HMCN1: variants seen among roughly 807,000 people sequenced by gnomAD.
HMCN1 encodes the protein hemicentin-1.
A neutral mutation model predicts 625.9 loss-of-function variants in HMCN1; 321 were observed. That is an observed-to-expected ratio of 0.51 (90% CI 0.47 to 0.56). HMCN1 has a LOEUF of 0.56. Ranked by LOEUF, HMCN1 falls within the 20% of genes least tolerant of loss-of-function variation. The pLI is 0.00. For missense variants in HMCN1, 6,588 were observed against 6,887.3 expected (o/e 0.96, Z 1.54); for synonymous variants, 2,425 against 2,417.6 (o/e 1.00, Z -0.09).
chr1:185,781,560 T>C (rs1657109265), intron 1 of HMCN1, among the ~76,000 whole-genome samples: 1 of 152,214 alleles, frequency 6.6e-6, no homozygotes, highest in Non-Finnish European at 1.5e-5. Context: ...TTTGTTCTCA[T>C]TGGTTTCAAA....
At chr1:185,849,279 A>G (rs1662022302) in intron 2 of HMCN1, among the ~76,000 whole-genome samples, 1 of 152,010 alleles carries the variant, frequency 6.6e-6, no homozygotes, top group Admixed American at 6.6e-5. Flanking sequence ...GTCTGCCCTC[A>G]TTTCCACACT....
At chr1:185,777,036 T>C (rs1656663462) in intron 1 of HMCN1, among the ~76,000 whole-genome samples, 1 of 152,230 alleles carries the variant, frequency 6.6e-6, no homozygotes, top group Non-Finnish European at 1.5e-5. Context: ...TGTTCAAGTG[T>C]AAAAGTGAAT....
At chr1:186,098,919 A>G (rs1268780029) in intron 68 of HMCN1, among the ~76,000 whole-genome samples, 3 of 152,162 alleles carry the variant, frequency 2.0e-5, no homozygotes, top group Non-Finnish European at 2.9e-5. Context: ...GAAATTAGCC[A>G]GGCACAGAAA....
At position 186,130,556 on chromosome 1, in the gene HMCN1, T is replaced by C. The variant is rs41317495; in HGVS notation, c.13089T>C (p.Leu4363=). 2.3e-4 allele frequency: 377 copies of C among 1,613,570 alleles called. No individual in the cohort carries two copies. Among genetic ancestry groups the C allele is most frequent in the African/African-American group, 1.4e-3 (107 of 74,996 alleles). The part of the protein sequence containing the change: ...GDYPSNWIEP[L]GGNAILNCEV... ...ATCCTTCTAACTGGATTGAACCACT[T>C]GGTGGGAATGCAATCCTGAATTGTG... The change falls in exon 85 of 107, where the codon CTT becomes CTC. Residue 4363 remains leucine (L), a synonymous_variant. Coordinates refer to ENST00000271588, the MANE Select transcript of HMCN1 (RefSeq NM_031935.3).
rs769281052 is a variant in HMCN1 at position 186,007,121 on chromosome 1, T to A, written c.4476-7T>A. On this transcript the variant is annotated splice_polypyrimidine_tract_variant and splice_region_variant and intron_variant, in intron 29 of 106. Transcript: ENST00000271588. ...AGACCCATGGAATAAAGTTTTATTT[T>A]TTCTAGGCCTTTATTTTTGGGCGAT... 5.0e-6 allele frequency: 8 copies of A among 1,608,286 alleles called. No homozygotes were observed. In the South Asian group the frequency reaches 5.5e-5, roughly 11 times the overall value.
intron 4 of HMCN1, among the ~76,000 whole-genome samples, chr1:185,908,056 G>A (rs371084193): frequency 2.6e-5 from 4 of 151,794 alleles, no homozygotes; most frequent in Non-Finnish European, 5.9e-5. Flanking sequence ...AATAAGAAAT[G>A]CAAAAACATT....
intron 39 of HMCN1, 70 bp from the exon 40 acceptor site, chr1:186,040,943 A>G (rs1656160549): frequency 3.1e-5 from 48 of 1,558,014 alleles, no homozygotes; most frequent in Non-Finnish European, 4.2e-5. Context: ...CAAAAAAATA[A>G]GAGAAAAAAT....
intron 86 of HMCN1, among the ~76,000 whole-genome samples, chr1:186,133,852 T>C (rs1649379715): frequency 6.6e-6 from 1 of 152,044 alleles, no homozygotes; most frequent in African/African-American, 2.4e-5. Context: ...TTATTAAATA[T>C]ATAAAGAACA....
At chr1:186,080,144 T>C (rs1022890104) in intron 55 of HMCN1, among the ~76,000 whole-genome samples, 4 of 152,250 alleles carry the variant, frequency 2.6e-5, no homozygotes, top group African/African-American at 9.6e-5. Flanking sequence ...ATCTGAAGTA[T>C]AATAAAATCA....
At chr1:186,043,359 G>A (rs1037090947) in intron 40 of HMCN1, among the ~76,000 whole-genome samples, 3 of 151,946 alleles carry the variant, frequency 2.0e-5, no homozygotes, top group Non-Finnish European at 2.9e-5. Flanking sequence ...TACATGTTTT[G>A]GTAATATATA....
chr1:186,036,888 C>A (rs1406920142), intron 36 of HMCN1, among the ~76,000 whole-genome samples: 2 of 151,942 alleles, frequency 1.3e-5, no homozygotes, highest in Admixed American at 6.6e-5. Context: ...CCACACCCGG[C>A]CACCCATACA....
chr1:186,003,867 T>C (rs775676973), intron 29 of HMCN1, 23 bp downstream of exon 29: 1 of 1,611,184 alleles, frequency 6.2e-7, no homozygotes, highest in Non-Finnish European at 8.5e-7. Flanking sequence ...TCTGTATTTG[T>C]TGCAAGGTTT....
At chr1:186,061,543 G>A (rs895581986) in intron 46 of HMCN1, among the ~76,000 whole-genome samples, 1 of 152,066 alleles carries the variant, frequency 6.6e-6, no homozygotes, top group South Asian at 2.1e-4. Context: ...CTCTCAACTC[G>A]TGTTAAAATA....
Position 186,093,573 on chromosome 1 carries a change from C to A in HMCN1, c.10100C>A (p.Thr3367Lys), listed in dbSNP as rs1659961658. The change falls in exon 66 of 107, where the codon ACA (threonine) becomes AAA (lysine). Residue 3367 changes from threonine (T) to lysine (K), a missense_variant. Physicochemically the swap from Thr to Lys is moderately conservative, Grantham distance 78. Transcript: ENST00000271588. The stretch of plus-strand genomic sequence containing the variant: ...TCAATAAATATTGAATGCAGAGCCA[C>A]AGGGACGCCTCCACCACAGATAAAC... ...DTSINIECRA[T>K]GTPPPQINWL... The A allele has an allele frequency of 6.2e-7, 1 of 1,613,488 alleles. No individual in the cohort carries two copies. Among genetic ancestry groups the A allele is most frequent in the Non-Finnish European group, 8.5e-7 (1 of 1,179,672 alleles).
intron 1 of HMCN1, among the ~76,000 whole-genome samples, chr1:185,839,937 A>G (rs568279322): frequency 6.6e-6 from 1 of 152,230 alleles, no homozygotes; most frequent in African/African-American, 2.4e-5. Context: ...TGAATTCATC[A>G]CTGATTTTAT....
At chr1:185,746,412 T>C (rs1654400562) in intron 1 of HMCN1, among the ~76,000 whole-genome samples, 1 of 152,174 alleles carries the variant, frequency 6.6e-6, no homozygotes, top group East Asian at 1.9e-4. Context: ...TTCTAGAGGC[T>C]GGAAGTGCAA....
At chr1:185,979,378 G>A (rs758475705) in intron 16 of HMCN1, among the ~76,000 whole-genome samples, 1 of 152,116 alleles carries the variant, frequency 6.6e-6, no homozygotes, top group Non-Finnish European at 1.5e-5. Flanking sequence ...AAAGAGTGAT[G>A]ATGAGAAACA....
intron 1 of HMCN1, among the ~76,000 whole-genome samples, chr1:185,803,204 G>GAAAAAAAAAAAAAAA (rs1557981375): frequency 4.2e-5 from 1 of 23,708 alleles, no homozygotes; most frequent in Non-Finnish European, 8.2e-5. Context: ...AAAAAAAAAA[G>GAAAAAAAAAAAAAAA]CAAAAAAAAA....
intron 10 of HMCN1, among the ~76,000 whole-genome samples, chr1:185,931,798 T>C (rs1042072803): frequency 1.3e-5 from 2 of 152,152 alleles, no homozygotes; most frequent in African/African-American, 4.8e-5. Context: ...ACCTTCAGCA[T>C]GTTTGTTTCA....
Sources: allele counts gnomAD v4.1 joint callset (sites outside exome capture counted in the v4.1 genomes callset), GRCh38; gene constraint gnomAD v4.1.1; transcripts MANE v1.5; gene names NCBI Gene and HGNC (gene_info 2026-07-23, HGNC 2026-07-21).